CFAP100: variants seen among roughly 807,000 people sequenced by gnomAD.
CFAP100 encodes cilia and flagella associated protein 100.
In CFAP100, 70 loss-of-function variants were observed where a neutral mutation model predicts 81.5. The ratio of observed to expected loss-of-function variants is 0.86; its 90% CI spans 0.71 to 1.05. CFAP100 has a LOEUF of 1.05. CFAP100 is among the 50% of genes least tolerant of loss of function. The probability of loss-of-function intolerance (pLI) is 0.00; values close to 1 mark genes in which losing one functional copy is unlikely to be tolerated. For missense variants in CFAP100, 811 were observed against 776.5 expected (o/e 1.04, Z -0.53); for synonymous variants, 341 against 314.8 (o/e 1.08, Z -0.88).
chr3:126,434,372 G>A lies in CFAP100; in HGVS notation c.1619G>A (p.Arg540Gln), dbSNP rs371678823. The part of the protein sequence containing the change: ...EQAERAKEKE[R>Q]RIRLREEKLQ... ...GCCGAGAGGGCAAAGGAGAAGGAGC[G>A]GCGCATCAGGTGAGCTCTAGGCTCT... is the stretch of plus-strand genomic sequence containing the variant. Residue 540 changes from arginine to glutamine, a missense_variant, in exon 15 of 17, where the codon CGG becomes CAG. By Grantham distance (43) the Arg-to-Gln change is conservative. Transcript: ENST00000352312. The A allele has an allele frequency of 2.5e-5, 41 of 1,612,878 alleles. No individual in the cohort carries two copies. The highest frequency in any genetic ancestry group is 3.3e-5 in the Admixed American group (2 of 59,924).
At chr3:126,402,399 C>G (rs1300146637) in intron 2 of CFAP100, among the ~76,000 whole-genome samples, 1 of 152,122 alleles carries the variant, frequency 6.6e-6, no homozygotes, top group Non-Finnish European at 1.5e-5. Context: ...GCCAGAAAGC[C>G]CGAGGGAAAG....
intron 12 of CFAP100, 50 bp downstream of exon 12, chr3:126,423,426 C>T (rs762506842): frequency 2.5e-6 from 4 of 1,607,954 alleles, no homozygotes; most frequent in Non-Finnish European, 3.4e-6. Context: ...CCTCTCTTTC[C>T]CTGCCCCCAC....
At position 126,423,466 on chromosome 3, in the gene CFAP100, G is replaced by C. The variant is rs779343886; in HGVS notation, c.1135-27G>C. ...GCCCCTCTGGCTCTGTCCCTGTCCA[G>C]TCCCTGCCAAAACCTGTGGGTTGCA... On this transcript the variant is annotated intron_variant, in intron 12 of 16. Transcript: ENST00000352312. The C allele has an allele frequency of 1.4e-5, 22 of 1,613,608 alleles. No homozygotes were observed. In the South Asian group the frequency reaches 2.2e-4, roughly 16 times the overall value.
At chr3:126,420,428 T>C (rs984036832) in intron 11 of CFAP100, among the ~76,000 whole-genome samples, 199 bp downstream of exon 11, 5 of 152,306 alleles carry the variant, frequency 3.3e-5, no homozygotes, top group East Asian at 3.9e-4. Flanking sequence ...GGAGTTTCCA[T>C]TGTGGTTCCC....
chr3:126,436,285 C>T lies in CFAP100; in HGVS notation c.1723-6C>T. The T allele has an allele frequency of 6.2e-7, 1 of 1,612,032 alleles. No individual in the cohort carries two copies. The highest frequency in any genetic ancestry group is 1.1e-5 in the South Asian group (1 of 90,890). Reference sequence around the variant, plus strand: ...GCAAGGCTCACTGGGCTTGTTTCCCCTGCAGAGAGGCAGGACACTGGTATG... The same window carrying T: ...GCAAGGCTCACTGGGCTTGTTTCCCTTGCAGAGAGGCAGGACACTGGTATG... On this transcript the variant is annotated splice_region_variant and splice_polypyrimidine_tract_variant and intron_variant, in intron 16 of 16. Transcript: ENST00000352312.
At position 126,420,032 on chromosome 3, in the gene CFAP100, G is replaced by A. The variant is rs768092890; in HGVS notation, c.955+11G>A. 7.9e-5 allele frequency: 127 copies of A among 1,613,196 alleles called. 2 individuals carry two copies. In the Middle Eastern group the frequency reaches 3.3e-3, roughly 42 times the overall value. On this transcript the variant is annotated intron_variant, in intron 10 of 16. Coordinates refer to ENST00000352312, the MANE Select transcript of CFAP100 (RefSeq NM_182628.3). Reference sequence around the variant, plus strand: ...CCATGTGGGCCAAAGGTGAGCTGCCGCCCCCAGCCTGAGGAGGAGCCTGGC... The same window carrying A: ...CCATGTGGGCCAAAGGTGAGCTGCCACCCCCAGCCTGAGGAGGAGCCTGGC...
chr3:126,423,590 C>T lies in CFAP100; in HGVS notation c.1232C>T (p.Thr411Met), dbSNP rs773918039. The change falls in exon 13 of 17, where the codon ACG (threonine) becomes ATG (methionine). Residue 411 changes from threonine to methionine, a missense_variant. Transcript: ENST00000352312. ...NLSLIQNSQE[T>M]EKTLEELSHT... ...TCGCTGATCCAGAACAGCCAGGAGACGGAGAAGACCCTGGAGGAGCTGAGC... is the reference window on the plus strand; with the variant it reads ...TCGCTGATCCAGAACAGCCAGGAGATGGAGAAGACCCTGGAGGAGCTGAGC... 29 of 1,613,966 alleles carry T rather than the reference C, an allele frequency of 1.8e-5. No homozygotes were observed. In the East Asian group the frequency reaches 3.8e-4, roughly 21 times the overall value.
At chr3:126,413,802 G>A (rs1488034043) in intron 3 of CFAP100, among the ~76,000 whole-genome samples, 2 of 152,244 alleles carry the variant, frequency 1.3e-5, no homozygotes, top group Non-Finnish European at 2.9e-5. Flanking sequence ...GGCCTGCAGT[G>A]AGGGCTGGCT....
intron 1 of CFAP100, 56 bp from the exon 2 acceptor site, chr3:126,395,886 G>A (rs1219761984): frequency 2.5e-5 from 22 of 876,936 alleles, no homozygotes; most frequent in Non-Finnish European, 3.5e-5. Flanking sequence ...CCACCCAGGG[G>A]GAAGGAAGCT....
intron 13 of CFAP100, among the ~76,000 whole-genome samples, chr3:126,426,900 C>T (rs906593254): frequency 1.3e-5 from 2 of 152,208 alleles, no homozygotes; most frequent in African/African-American, 2.4e-5. Context: ...AAATTAAACA[C>T]ACAATACCAT....
chr3:126,431,300 GAC>G (rs752131256), intron 13 of CFAP100, among the ~76,000 whole-genome samples: 10 of 152,218 alleles, frequency 6.6e-5, no homozygotes, highest in Non-Finnish European at 1.3e-4. Flanking sequence ...ATCCATCCAT[GAC>G]AGTTACACCA....
chr3:126,401,419 A>G (rs1323415070), intron 2 of CFAP100, among the ~76,000 whole-genome samples: 7 of 115,554 alleles, frequency 6.1e-5, no homozygotes, highest in African/African-American at 2.6e-4. Context: ...ATATATATAT[A>G]TATATATATA....
At chr3:126,420,367 C>G (rs2083311552) in intron 11 of CFAP100, 138 bp downstream of exon 11, 2 of 1,271,572 alleles carry the variant, frequency 1.6e-6, no homozygotes, top group Non-Finnish European at 2.1e-6. Context: ...AAGGGCCAGA[C>G]AGGGACGTCC....
chr3:126,414,003 G>C, intron 3 of CFAP100, 82 bp from the exon 4 acceptor site: 1 of 884,380 alleles, frequency 1.1e-6, no homozygotes, highest in Non-Finnish European at 1.9e-6. Context: ...TGCTGGGCTG[G>C]GAAGGCAGTG....
At chr3:126,433,346 T>C in intron 14 of CFAP100, 142 bp downstream of exon 14, 1 of 974,230 alleles carries the variant, frequency 1.0e-6, no homozygotes, top group Non-Finnish European at 1.5e-6. Context: ...CCTGCCTCCC[T>C]CCAGGAGCCA....
At chr3:126,399,761 C>A (rs1307916683) in intron 2 of CFAP100, among the ~76,000 whole-genome samples, 1 of 152,186 alleles carries the variant, frequency 6.6e-6, no homozygotes, top group Non-Finnish European at 1.5e-5. Context: ...TTGCAGCTTG[C>A]AGGGAAGATC....
intron 2 of CFAP100, chr3:126,396,697 C>A (rs778187406): frequency 6.6e-6 from 1 of 152,270 alleles, no homozygotes; most frequent in African/African-American, 2.4e-5. Flanking sequence ...TCTCTCAGCA[C>A]CCCTCTGACC....
chr3:126,429,313 G>T (rs1048814945), intron 13 of CFAP100, among the ~76,000 whole-genome samples: 31 of 151,986 alleles, frequency 2.0e-4, no homozygotes, highest in African/African-American at 7.5e-4. Flanking sequence ...TTTCTAGGAA[G>T]TTATCCATTG....
intron 13 of CFAP100, among the ~76,000 whole-genome samples, chr3:126,432,553 G>A (rs1319136223): frequency 1.3e-5 from 2 of 152,162 alleles, no homozygotes; most frequent in African/African-American, 2.4e-5. Context: ...AACATGGAGG[G>A]ACCTTGAAAA....
Sources: allele counts gnomAD v4.1 joint callset (sites outside exome capture counted in the v4.1 genomes callset), GRCh38; gene constraint gnomAD v4.1.1; transcripts MANE v1.5; gene names NCBI Gene and HGNC (gene_info 2026-07-23, HGNC 2026-07-21).